CCDC25: variants seen among roughly 807,000 people sequenced by gnomAD.
CCDC25 encodes coiled-coil domain-containing protein 25.
Under a neutral mutation model 35.3 loss-of-function variants are expected in CCDC25, and 16 were observed. The ratio of observed to expected loss-of-function variants is 0.45; its 90% confidence interval spans 0.31 to 0.69. CCDC25 has a LOEUF of 0.69. Ranked by LOEUF, CCDC25 falls within the 30% of genes least tolerant of loss-of-function variation. The probability of loss-of-function intolerance (pLI) is 0.06; values close to 1 mark genes in which losing one functional copy is unlikely to be tolerated. For missense variants in CCDC25, 179 were observed against 250.7 expected (o/e 0.71, Z 1.93); for synonymous variants, 79 against 80.3 (o/e 0.98, Z 0.09).
At chr8:27,766,321 C>T (rs929040644) in intron 1 of CCDC25, among the ~76,000 whole-genome samples, 13 of 152,122 alleles carry the variant, frequency 8.5e-5, no homozygotes, top group South Asian at 2.1e-4. Flanking sequence ...AAGGGCAATA[C>T]GCTCTCCTAA....
chr8:27,758,284 A>G (rs1733101674), intron 3 of CCDC25, among the ~76,000 whole-genome samples: 1 of 152,174 alleles, frequency 6.6e-6, no homozygotes, highest in African/African-American at 2.4e-5. Flanking sequence ...GGTCACCTTC[A>G]CACCTAGTAC....
chr8:27,748,017 G>C lies in CCDC25; in HGVS notation c.551+60C>G, dbSNP rs976565648. On this transcript the variant is annotated intron_variant, in intron 7 of 8. Coordinates refer to ENST00000356537, the MANE Select transcript of CCDC25 (RefSeq NM_018246.3). ...ATATCGTTCTTAATGGCTAATACAT[G>C]ATTAAAATCATCAGGGAATAATCTT... 2.0e-6 allele frequency: 3 copies of C among 1,517,752 alleles called. No homozygotes were observed. The African/African-American group carries it at 4.1e-5, about 21-fold the overall frequency. The allele number at this position is 1,517,752 out of a possible 1,614,324, so 94.0% of individuals were successfully genotyped here.
intron 7 of CCDC25, among the ~76,000 whole-genome samples, chr8:27,747,571 C>A (rs963854191): frequency 9.5e-4 from 144 of 152,180 alleles, no homozygotes; most frequent in African/African-American, 3.2e-3. Flanking sequence ...ATTTCAGGAG[C>A]CAAATTGTAT....
At chr8:27,770,067 C>G (rs1804535594) in intron 1 of CCDC25, among the ~76,000 whole-genome samples, 1 of 152,082 alleles carries the variant, frequency 6.6e-6, no homozygotes, top group Non-Finnish European at 1.5e-5. Flanking sequence ...TTGCTTGAAC[C>G]CAGGAGGTAG....
At chr8:27,749,685 A>T (rs1803727282) in intron 5 of CCDC25, among the ~76,000 whole-genome samples, 1 of 152,192 alleles carries the variant, frequency 6.6e-6, no homozygotes, top group African/African-American at 2.4e-5. Flanking sequence ...AAAAGCTATA[A>T]AGAAACAGTA....
Position 27,742,260 on chromosome 8 carries a change from G to A in CCDC25, c.552-1743C>T, listed in dbSNP as rs530842863. Among the ~76,000 whole-genome samples, 3 of 152,250 alleles carry A rather than the reference G, an allele frequency of 2.0e-5. No individual in the cohort carries two copies. In the South Asian group the frequency reaches 6.2e-4, roughly 32 times the overall value. Reference sequence around the variant, plus strand: ...ATAATGAGTTGGGAGACACCCAGAGGGAGAGACCAGTAAGTCTTTCCCTCT... The same window carrying A: ...ATAATGAGTTGGGAGACACCCAGAGAGAGAGACCAGTAAGTCTTTCCCTCT... On this transcript the variant is annotated intron_variant, in intron 7 of 8. Coordinates refer to ENST00000356537, the MANE Select transcript of CCDC25 (RefSeq NM_018246.3).
chr8:27,771,414 A>C (rs1258617158), intron 1 of CCDC25, among the ~76,000 whole-genome samples: 2 of 152,202 alleles, frequency 1.3e-5, no homozygotes, highest in African/African-American at 2.4e-5. Flanking sequence ...ACCTATGATA[A>C]AGTTAATGTA....
intron 7 of CCDC25, among the ~76,000 whole-genome samples, chr8:27,742,973 A>C (rs996194210): frequency 1.3e-5 from 2 of 152,160 alleles, no homozygotes; most frequent in South Asian, 4.1e-4. Flanking sequence ...ATCTTTTTGG[A>C]GATCTCAAGG....
At chr8:27,764,563 A>G (rs1298202860) in intron 2 of CCDC25, 9 of 284,200 alleles carry the variant, frequency 3.2e-5, no homozygotes, top group Non-Finnish European at 5.8e-5. Context: ...ACAGGCGTGA[A>G]CCACCATGCC....
chr8:27,735,117 A>G lies in CCDC25; in HGVS notation c.*1099T>C, dbSNP rs1365421494. On this transcript the variant is annotated 3_prime_UTR_variant, in exon 9 of 9. Transcript: ENST00000356537. The stretch of plus-strand genomic sequence containing the variant: ...ATTGCGGAACATCAGACTGAATATC[A>G]TCAGACACATACACAAAACCACTCA... 2 of 152,652 alleles carry G rather than the reference A, an allele frequency of 1.3e-5. No homozygotes were observed. The highest frequency in any genetic ancestry group is 2.4e-5 in the African/African-American group (1 of 41,456). 9.5% of individuals were successfully genotyped at this position (152,652 alleles called of 1,614,324 possible).
At chr8:27,763,549 C>A (rs1205428977) in intron 2 of CCDC25, among the ~76,000 whole-genome samples, 1 of 152,162 alleles carries the variant, frequency 6.6e-6, no homozygotes, top group Non-Finnish European at 1.5e-5. Flanking sequence ...GAAACCCCAT[C>A]TCCACTAAAA....
chr8:27,760,121 C>T (rs911393969), intron 3 of CCDC25, among the ~76,000 whole-genome samples: 13 of 152,156 alleles, frequency 8.5e-5, no homozygotes, highest in African/African-American at 3.1e-4. Flanking sequence ...CTCAAGACTA[C>T]TAAAGGGGGT....
intron 4 of CCDC25, among the ~76,000 whole-genome samples, chr8:27,754,128 A>G (rs1803913242): frequency 6.6e-6 from 1 of 152,202 alleles, no homozygotes; most frequent in African/African-American, 2.4e-5. Context: ...AATTATTCTA[A>G]GAAAATAATG....
At chr8:27,736,313 AT>A in intron 8 of CCDC25, 68 bp from the exon 9 acceptor site, 1 of 1,305,462 alleles carries the variant, frequency 7.7e-7, no homozygotes, top group Non-Finnish European at 1.1e-6. Context: ...ATTTACAATT[AT>A]CTTAATTAGC....
rs759039261 is a variant in CCDC25, at chr8:27,748,241, G to C, written c.387C>G (p.Ile129Met). 16 of 1,613,846 alleles carry C rather than the reference G, an allele frequency of 9.9e-6. No individual in the cohort carries two copies. In the East Asian group the frequency reaches 2.9e-4, roughly 29 times the overall value. Residue 129 changes from isoleucine to methionine, a missense_variant, in exon 7 of 9, where the codon ATC becomes ATG. Ile to Met is a conservative substitution (Grantham distance 10). Transcript: ENST00000356537. ...CTTTGGTCTTTTCTAATCGGTTCAG[G>C]ATCTCATTTACTTTCTTCTCCACTG... ...IVTVEKKVNEILNRLEKTKVE... is the reference protein window; with the variant it reads ...IVTVEKKVNEMLNRLEKTKVE...
Position 27,748,105 on chromosome 8 carries a change from T to G in CCDC25, c.523A>C (p.Lys175Gln). 4 of 1,612,308 alleles carry G rather than the reference T, an allele frequency of 2.5e-6. No individual in the cohort carries two copies. The highest frequency in any genetic ancestry group is 3.4e-6 in the Non-Finnish European group (4 of 1,179,766). The change falls in exon 7 of 9, where the codon AAG (lysine) becomes CAG (glutamine). Residue 175 changes from lysine to glutamine, a missense_variant. By Grantham distance (53) the Lys-to-Gln change is moderately conservative (BLOSUM62 1). Transcript: ENST00000356537. ...AGTTCATCCATTTCCCTCTTCTTCT[T>G]CATTTCTTCTTTTTCTCTCTTTTTC... ...EMKKREKEEM[K>Q]KKREMDELRS...
rs1213312180 is a variant in CCDC25 at position 27,737,557 on chromosome 8, T to TA, written c.598-1313dup. 6.6e-6 allele frequency among the ~76,000 whole-genome samples: 1 copy of TA among 152,200 alleles called. No individual in the cohort carries two copies. Among genetic ancestry groups the TA allele is most frequent in the African/African-American group, 2.4e-5 (1 of 41,458 alleles). ...ATTACATAAACACTTGCCTTTAACT[T>TA]AAAAATCAACTGATCACGTTCTAAA... On this transcript the variant is annotated intron_variant, in intron 8 of 8. Transcript: ENST00000356537. This position sits in a 1 kb window ranked among gnomAD's most constrained non-coding sequence, Gnocchi z 4.6.
chr8:27,772,387 C>T (rs1208124760), intron 1 of CCDC25, 126 bp downstream of exon 1: 3 of 902,162 alleles, frequency 3.3e-6, no homozygotes, highest in East Asian at 2.7e-5. Flanking sequence ...ACCGAGAGGC[C>T]GCGGGAAGAG....
Position 27,752,723 on chromosome 8 carries a change from C to G in CCDC25, c.169-136G>C, listed in dbSNP as rs1803856760. ...GAGGTTCTTCAACTGTTACAGAACA[C>G]TGAAAAGTAAATTTACTGTGTGCAT... On this transcript the variant is annotated intron_variant, in intron 4 of 8. Coordinates refer to ENST00000356537, the MANE Select transcript of CCDC25 (RefSeq NM_018246.3). The G allele has an allele frequency of 5.8e-6, 3 of 518,664 alleles. No homozygotes were observed. The Admixed American group carries it at 1.1e-4, about 18-fold the overall frequency. 32.1% of individuals were successfully genotyped at this position (518,664 alleles called of 1,614,324 possible). A position where few individuals can be genotyped will look rare whatever the true frequency, so the allele number is the denominator to read the frequency against.
Sources: gnomAD v4.1 joint callset for allele counts (sites outside exome capture counted in the v4.1 genomes callset) on GRCh38, gnomAD v4.1.1 for gene constraint, Gnocchi (gnomAD v3.1) non-coding constraint, MANE v1.5 for transcripts, NCBI Gene and HGNC (gene_info 2026-07-23, HGNC 2026-07-21) for gene names.